The following TMTC2 variants were observed in gnomAD, a reference collection of about 807,000 sequenced individuals.
TMTC2 encodes the protein transmembrane O-mannosyltransferase targeting cadherins 2, also known as protein O-mannosyl-transferase TMTC2.
A neutral mutation model predicts 82.4 loss-of-function variants in TMTC2; 43 were observed. That is an observed-to-expected ratio of 0.52 (90% CI 0.41 to 0.67). The LOEUF (loss-of-function observed/expected upper bound fraction) is 0.67. Among genes scored for constraint, TMTC2 ranks in the 30% least tolerant of loss-of-function variants. TMTC2 has a pLI of 0.00. For synonymous variants in TMTC2, 408 were observed against 381.9 expected (o/e 1.07, Z -0.80); for missense variants, 919 against 1,012.4 (o/e 0.91, Z 1.25).
intron 1 of TMTC2, among the ~76,000 whole-genome samples, chr12:82,704,639 T>G (rs1873255717): frequency 1.5e-5 from 2 of 129,824 alleles, no homozygotes; most frequent in Non-Finnish European, 3.6e-5. Context: ...TAATGAATCT[T>G]TTTTTTTTTT....
chr12:82,935,248 C>T (rs923824197), intron 4 of TMTC2, among the ~76,000 whole-genome samples: 32 of 152,118 alleles, frequency 2.1e-4, no homozygotes, highest in East Asian at 1.9e-3. Flanking sequence ...CATTTGAATC[C>T]GTGCTTACAG....
At chr12:82,922,525 T>C (rs1273891145) in intron 3 of TMTC2, among the ~76,000 whole-genome samples, 3 of 152,140 alleles carry the variant, frequency 2.0e-5, no homozygotes, top group Admixed American at 6.5e-5. Context: ...TCTTTTTTTT[T>C]CCCTTCACTG....
At chr12:82,989,571 A>C (rs557719707) in intron 8 of TMTC2, among the ~76,000 whole-genome samples, 64 of 148,508 alleles carry the variant, frequency 4.3e-4, no homozygotes, top group African/African-American at 1.4e-3. Flanking sequence ...CACCCCCCCC[A>C]AAAAAAAGTT....
At chr12:82,836,672 T>G (rs1410382367) in intron 1 of TMTC2, among the ~76,000 whole-genome samples, 1 of 152,208 alleles carries the variant, frequency 6.6e-6, no homozygotes, top group Non-Finnish European at 1.5e-5. Context: ...AAATTTGTGT[T>G]TGTTTATCAC....
At chr12:82,974,727 T>G (rs2137318457) in intron 7 of TMTC2, among the ~76,000 whole-genome samples, 1 of 152,222 alleles carries the variant, frequency 6.6e-6, no homozygotes, top group Non-Finnish European at 1.5e-5. Flanking sequence ...CTAGAGAAAA[T>G]CATCTATTTC....
At chr12:83,050,594 A>G (rs771129584) in intron 9 of TMTC2, among the ~76,000 whole-genome samples, 1 of 152,190 alleles carries the variant, frequency 6.6e-6, no homozygotes, top group Non-Finnish European at 1.5e-5. Context: ...GAGCTAATTA[A>G]TGTAATAACA....
rs1357636766 is a variant in TMTC2 at position 82,997,227 on chromosome 12, A to C, written c.2070+11181A>C. Among the ~76,000 whole-genome samples the C allele has an allele frequency of 2.5e-3, 309 of 121,180 alleles. 5 individuals carry two copies. The South Asian group carries it at 0.031, about 12-fold the overall frequency. The allele number at this position is 121,180 out of a possible 152,430, so 79.5% of individuals were successfully genotyped here. A position where few individuals can be genotyped will look rare whatever the true frequency, so the allele number is the denominator to read the frequency against. On this transcript the variant is annotated intron_variant, in intron 8 of 11. Coordinates refer to ENST00000321196, the MANE Select transcript of TMTC2 (RefSeq NM_152588.3). ...TCTCCCTCTCTCTCTCTCTCTATAT[A>C]TATATATAGTTATGTATAGTTATAT...
At chr12:82,995,783 A>G (rs1475613988) in intron 8 of TMTC2, among the ~76,000 whole-genome samples, 1 of 152,130 alleles carries the variant, frequency 6.6e-6, no homozygotes, top group Non-Finnish European at 1.5e-5. Flanking sequence ...AAGCAGTACT[A>G]TTTAAATTGC....
At chr12:82,986,907 G>T (rs541839893) in intron 8 of TMTC2, among the ~76,000 whole-genome samples, 1 of 152,000 alleles carries the variant, frequency 6.6e-6, no homozygotes, top group Non-Finnish European at 1.5e-5. Context: ...ATAGAACTAG[G>T]CTTCAATCTT....
At chr12:82,815,161 T>G (rs1320677342) in intron 1 of TMTC2, among the ~76,000 whole-genome samples, 2 of 151,000 alleles carry the variant, frequency 1.3e-5, no homozygotes, top group African/African-American at 4.9e-5. Context: ...TTCTTTCTTT[T>G]ATTCTTTTTT....
intron 1 of TMTC2, among the ~76,000 whole-genome samples, chr12:82,762,962 A>G (rs1223641380): frequency 6.6e-6 from 1 of 152,172 alleles, no homozygotes; most frequent in African/African-American, 2.4e-5. Flanking sequence ...GTCCATTTTC[A>G]TACTGCTATG....
intron 9 of TMTC2, among the ~76,000 whole-genome samples, chr12:83,044,397 T>G (rs1009592224): frequency 6.6e-6 from 1 of 152,010 alleles, no homozygotes; most frequent in African/African-American, 2.4e-5. Context: ...ACAGGAACAG[T>G]AAGAGAGGGT....
chr12:82,731,958 T>G (rs12368660), intron 1 of TMTC2, among the ~76,000 whole-genome samples: 7,827 of 152,306 alleles, frequency 0.051, 277 homozygotes, highest in Middle Eastern at 0.11. Context: ...TTGCTTGTTG[T>G]CTCTTTCCCT....
At chr12:83,103,569 A>C (rs1283348101) in intron 11 of TMTC2, among the ~76,000 whole-genome samples, 2 of 152,162 alleles carry the variant, frequency 1.3e-5, no homozygotes, top group Non-Finnish European at 2.9e-5. Flanking sequence ...GACAGCACCA[A>C]GCCATGAGGG....
intron 3 of TMTC2, among the ~76,000 whole-genome samples, chr12:82,929,061 TG>T (rs1875876457): frequency 6.6e-6 from 1 of 152,084 alleles, no homozygotes; most frequent in Admixed American, 6.6e-5. Flanking sequence ...GCACTGTGTT[TG>T]TTTTTTTGTT....
chr12:83,103,704 A>G (rs966580826), intron 11 of TMTC2, among the ~76,000 whole-genome samples: 7 of 152,184 alleles, frequency 4.6e-5, no homozygotes, highest in Admixed American at 2.6e-4. Context: ...GGGTCCCCCA[A>G]ATTTCATGTC....
At chr12:83,116,050 T>G (rs541067802) in intron 11 of TMTC2, among the ~76,000 whole-genome samples, 1 of 152,302 alleles carries the variant, frequency 6.6e-6, no homozygotes, top group South Asian at 2.1e-4. Flanking sequence ...CCTTCCTATT[T>G]ATAATCTTTT....
chr12:83,028,545 G>A (rs1322664098), intron 8 of TMTC2, among the ~76,000 whole-genome samples: 1 of 152,102 alleles, frequency 6.6e-6, no homozygotes, highest in East Asian at 1.9e-4. Flanking sequence ...ATTTGGGCAA[G>A]TGCTTAATGG....
intron 11 of TMTC2, among the ~76,000 whole-genome samples, chr12:83,110,039 A>G (rs947842722): frequency 1.3e-5 from 2 of 152,180 alleles, no homozygotes; most frequent in Admixed American, 1.3e-4. Context: ...GTTCTAGTAT[A>G]TCTTCACCTG....
Sources: allele counts gnomAD v4.1 joint callset (sites outside exome capture counted in the v4.1 genomes callset), GRCh38; gene constraint gnomAD v4.1.1; transcripts MANE v1.5; gene names NCBI Gene and HGNC (gene_info 2026-07-23, HGNC 2026-07-21).